BCL2: variants seen among roughly 807,000 people sequenced by gnomAD.
BCL2 encodes BCL2 apoptosis regulator.
In BCL2, 1 loss-of-function variant was observed where a neutral mutation model predicts 14.2. The ratio of observed to expected loss-of-function variants is 0.07; its 90% confidence interval spans 0.02 to 0.33. BCL2 has a LOEUF of 0.33. Ranked by LOEUF, BCL2 falls within the 10% of genes least tolerant of loss-of-function variation. The pLI is 0.99. For missense variants in BCL2, 247 were observed against 305.9 expected (o/e 0.81, Z 1.44); for synonymous variants, 151 against 137.2 (o/e 1.10, Z -0.70).
intron 2 of BCL2, among the ~76,000 whole-genome samples, chr18:63,191,102 T>C (rs1236369117): frequency 6.6e-6 from 1 of 152,252 alleles, no homozygotes; most frequent in African/African-American, 2.4e-5. Context: ...CAGTCTATCA[T>C]TGAGGGGCAT....
chr18:63,275,552 C>T (rs563624524), intron 2 of BCL2, among the ~76,000 whole-genome samples: 8 of 151,970 alleles, frequency 5.3e-5, no homozygotes, highest in Non-Finnish European at 1.0e-4. Context: ...GAGAGTGCCC[C>T]GAGTGTCACG....
chr18:63,162,038 C>T (rs1263946508), intron 2 of BCL2, among the ~76,000 whole-genome samples: 1 of 152,156 alleles, frequency 6.6e-6, no homozygotes, highest in Non-Finnish European at 1.5e-5. Flanking sequence ...CTGTTGATTT[C>T]CCTTTGCTAC....
intron 2 of BCL2, among the ~76,000 whole-genome samples, chr18:63,193,506 T>C (rs1171573724): frequency 6.6e-6 from 1 of 152,086 alleles, no homozygotes; most frequent in Non-Finnish European, 1.5e-5. Flanking sequence ...GACTGGTTTA[T>C]TTCACTGAGC....
At chr18:63,211,571 T>C (rs942102804) in intron 2 of BCL2, among the ~76,000 whole-genome samples, 9 of 152,250 alleles carry the variant, frequency 5.9e-5, no homozygotes, top group Non-Finnish European at 1.3e-4. Flanking sequence ...ACTGTCATTT[T>C]GGTAACTCAA....
At chr18:63,317,937 A>T (rs961279526) in intron 2 of BCL2, 145 bp downstream of exon 2, 1 of 1,469,000 alleles carries the variant, frequency 6.8e-7, no homozygotes, top group African/African-American at 1.4e-5. Context: ...CCAGAGGAGG[A>T]GGTAGGGACG....
At chr18:63,169,859 C>G (rs1347822294) in intron 2 of BCL2, among the ~76,000 whole-genome samples, 1 of 151,866 alleles carries the variant, frequency 6.6e-6, no homozygotes, top group African/African-American at 2.4e-5. Context: ...TGGCCGTCAT[C>G]AAAGTAATTC....
At chr18:63,199,754 C>G (rs998352085) in intron 2 of BCL2, among the ~76,000 whole-genome samples, 22 of 152,170 alleles carry the variant, frequency 1.4e-4, no homozygotes, top group African/African-American at 5.1e-4. Context: ...ATGACACAGA[C>G]ATAAACACAC....
intron 2 of BCL2, among the ~76,000 whole-genome samples, chr18:63,243,218 G>A (rs1911059635): frequency 6.6e-6 from 1 of 152,196 alleles, no homozygotes; most frequent in Non-Finnish European, 1.5e-5. Context: ...GCAGGAACAT[G>A]GATGGAGCTG....
chr18:63,234,461 G>A lies in BCL2; in HGVS notation c.585+83621C>T, dbSNP rs530146811. ...CTGCGTAGTATTCCATGGTGTATAT[G>A]TATCACATTTCCTTTATCTAGTCTA... is the stretch of plus-strand genomic sequence containing the variant. On this transcript the variant is annotated intron_variant, in intron 2 of 2. Transcript: ENST00000333681. 1.6e-3 allele frequency among the ~76,000 whole-genome samples: 239 copies of A among 152,184 alleles called. 2 individuals are homozygous for A. Among genetic ancestry groups the A allele is most frequent in the South Asian group, 6.8e-3 (33 of 4,822 alleles).
rs554717379 is a variant in BCL2, at chr18:63,124,335, T to C, written c.*4290A>G. On this transcript the variant is annotated 3_prime_UTR_variant, in exon 3 of 3. Transcript: ENST00000333681. ...TAGTTAAAACTGCACATTTATTGTT[T>C]AAATACCCATTAGACATATCCAGCT... is the stretch of plus-strand genomic sequence containing the variant. The C allele has an allele frequency of 4.3e-6, 1 of 230,346 alleles. No homozygotes were observed. Among genetic ancestry groups the C allele is most frequent in the South Asian group, 1.8e-4 (1 of 5,508 alleles). The allele number at this position is 230,346 out of a possible 1,614,324, so 14.3% of individuals were successfully genotyped here.
intron 1 of BCL2, 56 bp from the exon 2 acceptor site, chr18:63,319,008 GTACACACTGAGTGAAAGCAGGGCA>G: frequency 8.4e-7 from 1 of 1,185,438 alleles, no homozygotes; most frequent in Non-Finnish European, 1.1e-6. Context: ...GCGTTTCCCT[GTACACACTGAGTGAAAGCAGGGCA>G]TACACACTAC....
chr18:63,131,634 A>C (rs1054906428), intron 2 of BCL2, among the ~76,000 whole-genome samples: 5 of 152,184 alleles, frequency 3.3e-5, no homozygotes, highest in African/African-American at 1.2e-4. Context: ...TGAAACCCCC[A>C]ATAGCCCAGC....
chr18:63,200,998 G>A (rs1387497107), intron 2 of BCL2, among the ~76,000 whole-genome samples: 2 of 152,156 alleles, frequency 1.3e-5, no homozygotes, highest in African/African-American at 2.4e-5. Context: ...CAGCAGGCAC[G>A]GGATGTTTGA....
In BCL2 at chr18:63,128,170, GC is replaced by G; in HGVS notation, c.*454del. On this transcript the variant is annotated 3_prime_UTR_variant, in exon 3 of 3. Transcript: ENST00000333681. ...AACACCTTCTCCCCAGCCTCCAGCA[GC>G]CAGAAAGCCAGCTTCCCCAATGATC... 4.3e-6 allele frequency: 1 copy of G among 232,414 alleles called. No individual in the cohort carries two copies. Among genetic ancestry groups the G allele is most frequent in the Non-Finnish European group, 8.5e-6 (1 of 117,392 alleles). The allele number at this position is 232,414 out of a possible 1,614,324, so 14.4% of individuals were successfully genotyped here.
intron 2 of BCL2, among the ~76,000 whole-genome samples, chr18:63,187,596 GA>G (rs1247863299): frequency 2.0e-5 from 3 of 152,168 alleles, no homozygotes; most frequent in Admixed American, 6.5e-5. Flanking sequence ...AAAATACCAG[GA>G]AAAACTTCAG....
At chr18:63,240,890 G>A (rs749628368) in intron 2 of BCL2, among the ~76,000 whole-genome samples, 8 of 152,204 alleles carry the variant, frequency 5.3e-5, no homozygotes, top group South Asian at 2.1e-4. Context: ...ATTCCCCAGC[G>A]TCATTAACAG....
At chr18:63,313,162 G>C (rs553394346) in intron 2 of BCL2, among the ~76,000 whole-genome samples, 1 of 152,096 alleles carries the variant, frequency 6.6e-6, no homozygotes, top group Non-Finnish European at 1.5e-5. Context: ...TGATAACTAC[G>C]AGTTTATTAA....
intron 2 of BCL2, chr18:63,315,739 C>A (rs763799511): frequency 6.6e-6 from 1 of 152,108 alleles, no homozygotes; most frequent in Non-Finnish European, 1.5e-5. Flanking sequence ...TGTCTGTATG[C>A]CAAATGCCTA....
chr18:63,310,167 C>T (rs1913264245), intron 2 of BCL2, among the ~76,000 whole-genome samples: 1 of 152,274 alleles, frequency 6.6e-6, no homozygotes, highest in East Asian at 1.9e-4. Flanking sequence ...CTGCCCTACC[C>T]CATATATTTT....
Sources: allele counts gnomAD v4.1 joint callset (sites outside exome capture counted in the v4.1 genomes callset), GRCh38; gene constraint gnomAD v4.1.1; transcripts MANE v1.5; gene names NCBI Gene and HGNC (gene_info 2026-07-23, HGNC 2026-07-21).